LYPD6: variants seen among roughly 807,000 people sequenced by gnomAD.
The protein encoded by LYPD6 is ly6/PLAUR domain-containing protein 6.
A neutral mutation model predicts 22.7 loss-of-function variants in LYPD6; 15 were observed. The observed-to-expected ratio is 0.66, with a 90% CI of 0.44 to 1.02. The LOEUF (loss-of-function observed/expected upper bound fraction) is 1.02. Ranked by LOEUF, LYPD6 falls within the 50% of genes least tolerant of loss-of-function variation. LYPD6 has a pLI of 0.00. For missense variants in LYPD6, 189 were observed against 208.4 expected, an observed-to-expected ratio of 0.91 and a Z score of 0.57; for synonymous variants, 72 against 77.5, an observed-to-expected ratio of 0.93 and a Z score of 0.37.
chr2:149,368,944 C>T (rs1334968590), intron 1 of LYPD6, among the ~76,000 whole-genome samples: 9 of 151,958 alleles, frequency 5.9e-5, no homozygotes, highest in East Asian at 3.9e-4. Flanking sequence ...GAAAGTGATA[C>T]GTTTGAGTTT....
chr2:149,366,763 T>G (rs1258109771), intron 1 of LYPD6, among the ~76,000 whole-genome samples: 1 of 152,226 alleles, frequency 6.6e-6, no homozygotes, highest in Non-Finnish European at 1.5e-5. Flanking sequence ...AAATGAACCA[T>G]GAATGCTAAC....
At chr2:149,389,993 T>G (rs1277070427) in intron 1 of LYPD6, among the ~76,000 whole-genome samples, 6 of 152,224 alleles carry the variant, frequency 3.9e-5, no homozygotes, top group Non-Finnish European at 8.8e-5. Context: ...CTTGGCATTT[T>G]CCCAAATGGA....
chr2:149,400,693 T>G (rs891709935), intron 1 of LYPD6, among the ~76,000 whole-genome samples: 5 of 152,204 alleles, frequency 3.3e-5, no homozygotes, highest in Admixed American at 6.5e-5. Context: ...AGGGCATCCT[T>G]AATTTATGTT....
In LYPD6 at chr2:149,345,268, T is replaced by C. The variant is rs1681232414; in HGVS notation, c.-72+14546T>C. Reference sequence around the variant, plus strand: ...AGCAGACATCTTACTGTAGGCTATGTGTTTGGTTTGATTGTCTATGGTCCA... The same window carrying C: ...AGCAGACATCTTACTGTAGGCTATGCGTTTGGTTTGATTGTCTATGGTCCA... On this transcript the variant is annotated intron_variant, in intron 1 of 4. Transcript: ENST00000334166. 2.0e-5 allele frequency among the ~76,000 whole-genome samples: 3 copies of C among 152,024 alleles called. No homozygotes were observed. The South Asian group carries it at 6.2e-4, about 31-fold the overall frequency.
At chr2:149,395,629 A>G (rs987191300) in intron 1 of LYPD6, among the ~76,000 whole-genome samples, 1 of 152,044 alleles carries the variant, frequency 6.6e-6, no homozygotes, top group Non-Finnish European at 1.5e-5. Context: ...AAGAAGGGAA[A>G]ATTTTGTCTT....
At chr2:149,367,944 A>ATCT (rs1681716567) in intron 1 of LYPD6, 1 of 152,200 alleles carries the variant, frequency 6.6e-6, no homozygotes, top group Non-Finnish European at 1.5e-5. Flanking sequence ...GTGTTCCAGG[A>ATCT]CAAGGTATCC....
intron 2 of LYPD6, among the ~76,000 whole-genome samples, chr2:149,448,683 A>C (rs931358452): frequency 6.6e-6 from 1 of 152,192 alleles, no homozygotes; most frequent in African/African-American, 2.4e-5. Context: ...AAACTCACCC[A>C]AGTTGTTGAA....
chr2:149,426,099 C>G (rs1573798062), intron 1 of LYPD6, among the ~76,000 whole-genome samples: 1 of 152,140 alleles, frequency 6.6e-6, no homozygotes, highest in South Asian at 2.1e-4. Context: ...AGGGTTTTTA[C>G]CTAAGTCATT....
chr2:149,382,027 T>C (rs945235541), intron 1 of LYPD6, among the ~76,000 whole-genome samples: 2 of 152,216 alleles, frequency 1.3e-5, no homozygotes, highest in Non-Finnish European at 2.9e-5. Context: ...TGTTCATTAC[T>C]ATGAAATGTT....
intron 1 of LYPD6, among the ~76,000 whole-genome samples, chr2:149,386,480 TG>T (rs1255739758): frequency 6.6e-6 from 1 of 152,104 alleles, no homozygotes; most frequent in Non-Finnish European, 1.5e-5. Context: ...AGGGTGGAAA[TG>T]GGTTCTTGAA....
At chr2:149,459,869 T>C (rs1404411511) in intron 3 of LYPD6, among the ~76,000 whole-genome samples, 2 of 149,954 alleles carry the variant, frequency 1.3e-5, no homozygotes, top group Non-Finnish European at 3.0e-5. Flanking sequence ...ACCACTGCAC[T>C]CTAGCCTGGG....
chr2:149,404,236 G>A (rs1254177780), intron 1 of LYPD6, among the ~76,000 whole-genome samples: 1 of 152,142 alleles, frequency 6.6e-6, no homozygotes, highest in Non-Finnish European at 1.5e-5. Flanking sequence ...GGTTCCATAT[G>A]AACTTTAAAG....
intron 1 of LYPD6, among the ~76,000 whole-genome samples, chr2:149,346,680 GTC>G (rs1023464229): frequency 1.3e-5 from 2 of 152,170 alleles, no homozygotes; most frequent in African/African-American, 2.4e-5. Flanking sequence ...TGACTAGTAA[GTC>G]TCTGTTATTA....
At chr2:149,453,137 A>G (rs1680873541) in intron 3 of LYPD6, among the ~76,000 whole-genome samples, 2 of 152,224 alleles carry the variant, frequency 1.3e-5, no homozygotes. Context: ...GCTACTCATT[A>G]TAAATCTGTT....
chr2:149,431,963 A>G (rs1263299508), intron 1 of LYPD6, among the ~76,000 whole-genome samples: 2 of 152,176 alleles, frequency 1.3e-5, no homozygotes, highest in African/African-American at 4.8e-5. Context: ...AATAGACATC[A>G]CTCCAAAGAA....
rs550739601 is a variant in LYPD6, at chr2:149,347,948, G to C, written c.-72+17226G>C. ...AAATAGAGTGGAGCTGGGCGTGGTG[G>C]CTCAAGCCTGTAATCCCAGCATTTT... On this transcript the variant is annotated intron_variant, in intron 1 of 4. Transcript: ENST00000334166. 1.2e-3 allele frequency among the ~76,000 whole-genome samples: 187 copies of C among 151,492 alleles called. 1 individual carries two copies. The highest frequency in any genetic ancestry group is 6.9e-3 in the Middle Eastern group (2 of 288).
intron 1 of LYPD6, among the ~76,000 whole-genome samples, chr2:149,365,732 T>TAGCTAC (rs1459122884): frequency 1.2e-3 from 185 of 152,350 alleles, no homozygotes; most frequent in Admixed American, 3.0e-3. Context: ...CACTTGATCT[T>TAGCTAC]AGCCAAAAGG....
chr2:149,431,659 A>G (rs1312079584), intron 1 of LYPD6, among the ~76,000 whole-genome samples: 1 of 152,188 alleles, frequency 6.6e-6, no homozygotes, highest in Non-Finnish European at 1.5e-5. Context: ...CTTGTCTACT[A>G]TAAAGTAGAC....
chr2:149,410,923 G>A (rs1269054880), intron 1 of LYPD6, among the ~76,000 whole-genome samples: 1 of 152,142 alleles, frequency 6.6e-6, no homozygotes, highest in Non-Finnish European at 1.5e-5. Context: ...GGCCTCATTA[G>A]GTTTGTAAAT....
Sources: gnomAD v4.1 joint callset for allele counts (sites outside exome capture counted in the v4.1 genomes callset) on GRCh38, gnomAD v4.1.1 for gene constraint, MANE v1.5 for transcripts, NCBI Gene and HGNC (gene_info 2026-07-23, HGNC 2026-07-21) for gene names.